The following HMGB2 variants were observed in gnomAD, a reference collection of about 807,000 sequenced individuals.
HMGB2 encodes high mobility group protein B2.
HMGB2 carries 2 observed loss-of-function variants against 23.0 expected under a neutral mutation model. The observed-to-expected ratio is 0.09, with a 90% CI of 0.04 to 0.27. The LOEUF (loss-of-function observed/expected upper bound fraction) is 0.27, where lower values mean the gene tolerates loss of function less well. Ranked by LOEUF, HMGB2 falls within the 10% of genes least tolerant of loss-of-function variation. The probability of loss-of-function intolerance (pLI) is 1.00; values close to 1 mark genes in which losing one functional copy is unlikely to be tolerated. For synonymous variants in HMGB2, 99 were observed against 87.5 expected (o/e 1.13, Z -0.73); for missense variants, 178 against 256.5 (o/e 0.69, Z 2.09).
In HMGB2 at chr4:173,332,000, G is replaced by A. The variant is rs1738109850; in HGVS notation, c.*80C>T. 3 of 1,591,522 alleles carry A rather than the reference G, an allele frequency of 1.9e-6. No individual in the cohort carries two copies. Among genetic ancestry groups the A allele is most frequent in the Non-Finnish European group, 2.6e-6 (3 of 1,167,934 alleles). The stretch of plus-strand genomic sequence containing the variant: ...TTTATACTGAAGCTAGTATTGAGCT[G>A]CACTTGAATTCACATTCTTAGCAAA... On this transcript the variant is annotated 3_prime_UTR_variant, in exon 5 of 5. Transcript: ENST00000296503.
At position 173,333,291 on chromosome 4, in the gene HMGB2, T is replaced by C; in HGVS notation, c.151-77A>G. The C allele has an allele frequency of 6.7e-7, 1 of 1,500,080 alleles. No individual in the cohort carries two copies. 92.9% of individuals were successfully genotyped at this position (1,500,080 alleles called of 1,614,324 possible). ...CATCCAAAGACGACAAGATCATCTT[T>C]AAGGACCACATTTTCCTTAACAGCA... is the stretch of plus-strand genomic sequence containing the variant. On this transcript the variant is annotated intron_variant, in intron 2 of 4. Transcript: ENST00000296503. The surrounding 1 kb of genome is among the most constrained non-coding windows in gnomAD (Gnocchi z 4.6).
At chr4:173,332,565 TAACAGACTA>T (rs1738129432) in intron 4 of HMGB2, 1 of 456,768 alleles carries the variant, frequency 2.2e-6, no homozygotes, top group African/African-American at 2.0e-5. Context: ...AAAAAAAAAA[TAACAGACTA>T]TACAGACTAT....
chr4:173,333,982 C>T lies in HMGB2; in HGVS notation c.-21+290G>A, dbSNP rs1398768238. ...TGACTCCGCAAGCGCCCTCAAAACG[C>T]CTTTCCTGACAGAAATGTCCCCCAG... On this transcript the variant is annotated intron_variant, in intron 1 of 4. Coordinates refer to ENST00000296503, the MANE Select transcript of HMGB2 (RefSeq NM_002129.4). The surrounding 1 kb of genome is among the most constrained non-coding windows in gnomAD (Gnocchi z 4.6). The T allele has an allele frequency of 5.8e-6, 1 of 171,856 alleles. No homozygotes were observed. Among genetic ancestry groups the T allele is most frequent in the Non-Finnish European group, 1.2e-5 (1 of 81,404 alleles). 10.6% of individuals were successfully genotyped at this position (171,856 alleles called of 1,614,324 possible). A position where few individuals can be genotyped will look rare whatever the true frequency, so the allele number is the denominator to read the frequency against.
chr4:173,332,746 TA>T (rs1738137624), intron 4 of HMGB2, 74 bp downstream of exon 4: 3 of 1,326,528 alleles, frequency 2.3e-6, no homozygotes, highest in Non-Finnish European at 3.2e-6. Flanking sequence ...CAAGATTAAC[TA>T]AATTTCCCAG....
At chr4:173,332,596 A>C (rs1019492987) in intron 4 of HMGB2, 1 of 548,070 alleles carries the variant, frequency 1.8e-6, no homozygotes. Context: ...CAATAACTAC[A>C]AGTAACTACA....
rs1738156154 is a variant in HMGB2, at chr4:173,333,317, T to G, written c.151-103A>C. ...AAGGACCACATTTTCCTTAACAGCA[T>G]TTTGCTTTCGAAGTCTTATATAAGT... On this transcript the variant is annotated intron_variant, in intron 2 of 4. Transcript: ENST00000296503. The surrounding 1 kb of genome is among the most constrained non-coding windows in gnomAD (Gnocchi z 4.6). 1.4e-6 allele frequency: 2 copies of G among 1,421,772 alleles called. No individual in the cohort carries two copies. Among genetic ancestry groups the G allele is most frequent in the African/African-American group, 2.9e-5 (2 of 69,482 alleles). The allele number at this position is 1,421,772 out of a possible 1,614,324, so 88.1% of individuals were successfully genotyped here.
At position 173,332,250 on chromosome 4, in the gene HMGB2, T is replaced by A; in HGVS notation, c.472-12A>T. 6.5e-7 allele frequency: 1 copy of A among 1,547,598 alleles called. No individual in the cohort carries two copies. ...TATGCAGCAATATCCTGAAATATTG[T>A]CAAAAAAATAAAGCATCCGGTATCA... On this transcript the variant is annotated splice_polypyrimidine_tract_variant and intron_variant, in intron 4 of 4. Transcript: ENST00000296503.
rs1214850681 is a variant in HMGB2, at chr4:173,331,753, T to C, written c.*327A>G. 4.8e-6 allele frequency: 1 copy of C among 206,964 alleles called. No homozygotes were observed. Among genetic ancestry groups the C allele is most frequent in the African/African-American group, 2.3e-5 (1 of 43,454 alleles). The allele number at this position is 206,964 out of a possible 1,614,324, so 12.8% of individuals were successfully genotyped here. ...TTTTTTAAAAAAACGAAATGCAACATCCTAAAAAACCCAAAATTTACTATT... is the reference window on the plus strand; with the variant it reads ...TTTTTTAAAAAAACGAAATGCAACACCCTAAAAAACCCAAAATTTACTATT... On this transcript the variant is annotated 3_prime_UTR_variant, in exon 5 of 5. Coordinates refer to ENST00000296503, the MANE Select transcript of HMGB2 (RefSeq NM_002129.4).
rs1738137705 is a variant in HMGB2 at position 173,332,750 on chromosome 4, T to A, written c.471+71A>T. The A allele has an allele frequency of 3.0e-6, 4 of 1,350,050 alleles. No homozygotes were observed. The African/African-American group carries it at 4.4e-5, about 15-fold the overall frequency. The allele number at this position is 1,350,050 out of a possible 1,614,324, so 83.6% of individuals were successfully genotyped here. A position where few individuals can be genotyped will look rare whatever the true frequency, so the allele number is the denominator to read the frequency against. On this transcript the variant is annotated intron_variant, in intron 4 of 4. Coordinates refer to ENST00000296503, the MANE Select transcript of HMGB2 (RefSeq NM_002129.4). ...AACCATTAATACAAGATTAACTAAA[T>A]TTCCCAGGTTTTCTACAGTTATTAC...
chr4:173,333,356 C>T lies in HMGB2; in HGVS notation c.151-142G>A. ...TCTTATATAAGTAAAAACCTAAAAT[C>T]GTCTGCCTGGAACTCTTAAGATATT... On this transcript the variant is annotated intron_variant, in intron 2 of 4. Coordinates refer to ENST00000296503, the MANE Select transcript of HMGB2 (RefSeq NM_002129.4). This position sits in a 1 kb window ranked among gnomAD's most constrained non-coding sequence, Gnocchi z 4.6. 1.5e-6 allele frequency: 2 copies of T among 1,361,282 alleles called. No homozygotes were observed. The highest frequency in any genetic ancestry group is 1.4e-5 in the South Asian group (1 of 70,662). The allele number at this position is 1,361,282 out of a possible 1,614,324, so 84.3% of individuals were successfully genotyped here. A position where few individuals can be genotyped will look rare whatever the true frequency, so the allele number is the denominator to read the frequency against.
Position 173,331,866 on chromosome 4 carries a change from C to A in HMGB2, c.*214G>T. On this transcript the variant is annotated 3_prime_UTR_variant, in exon 5 of 5. Coordinates refer to ENST00000296503, the MANE Select transcript of HMGB2 (RefSeq NM_002129.4). Reference sequence around the variant, plus strand: ...ATTTAGGAACATTCAACATCAGAAGCTGTAAAATCTAACTGTATGAGTAGC... The same window carrying A: ...ATTTAGGAACATTCAACATCAGAAGATGTAAAATCTAACTGTATGAGTAGC... 1 of 539,458 alleles carries A rather than the reference C, an allele frequency of 1.9e-6. No individual in the cohort carries two copies. Among genetic ancestry groups the A allele is most frequent in the Non-Finnish European group, 3.2e-6 (1 of 311,922 alleles). 33.4% of individuals were successfully genotyped at this position (539,458 alleles called of 1,614,324 possible). A position where few individuals can be genotyped will look rare whatever the true frequency, so the allele number is the denominator to read the frequency against.
At position 173,333,268 on chromosome 4, in the gene HMGB2, T is replaced by A; in HGVS notation, c.151-54A>T. ...ACAGCAAAATTGTTACCTATAAACA[T>A]CCAAAGACGACAAGATCATCTTTAA... On this transcript the variant is annotated intron_variant, in intron 2 of 4. Coordinates refer to ENST00000296503, the MANE Select transcript of HMGB2 (RefSeq NM_002129.4). The surrounding 1 kb of genome is among the most constrained non-coding windows in gnomAD (Gnocchi z 4.6). 1 of 1,559,778 alleles carries A rather than the reference T, an allele frequency of 6.4e-7. No homozygotes were observed. Among genetic ancestry groups the A allele is most frequent in the Non-Finnish European group, 8.7e-7 (1 of 1,150,462 alleles).
intron 4 of HMGB2, 79 bp from the exon 5 acceptor site, chr4:173,332,317 G>A (rs1738122912): frequency 1.8e-6 from 2 of 1,106,800 alleles, no homozygotes; most frequent in Non-Finnish European, 2.6e-6. Context: ...AACAATCTAA[G>A]ATGATTGACC....
In HMGB2 at chr4:173,333,290, T is replaced by A; in HGVS notation, c.151-76A>T. The A allele has an allele frequency of 6.6e-7, 1 of 1,504,196 alleles. No homozygotes were observed. The highest frequency in any genetic ancestry group is 9.0e-7 in the Non-Finnish European group (1 of 1,111,672). The allele number at this position is 1,504,196 out of a possible 1,614,324, so 93.2% of individuals were successfully genotyped here. A position where few individuals can be genotyped will look rare whatever the true frequency, so the allele number is the denominator to read the frequency against. On this transcript the variant is annotated intron_variant, in intron 2 of 4. Transcript: ENST00000296503. This position sits in a 1 kb window ranked among gnomAD's most constrained non-coding sequence, Gnocchi z 4.6. ...ACATCCAAAGACGACAAGATCATCT[T>A]TAAGGACCACATTTTCCTTAACAGC...
Position 173,333,748 on chromosome 4 carries a change from G to A in HMGB2, c.-20-79C>T. The A allele has an allele frequency of 8.4e-7, 1 of 1,184,842 alleles. No individual in the cohort carries two copies. The highest frequency in any genetic ancestry group is 2.8e-5 in the Admixed American group (1 of 35,494). 73.4% of individuals were successfully genotyped at this position (1,184,842 alleles called of 1,614,324 possible). ...AGCTGCCAGGGCGGGCGCTGGCGGG[G>A]CTCCGCTTCCCGCCCAAATCCGCTC... On this transcript the variant is annotated intron_variant, in intron 1 of 4. Coordinates refer to ENST00000296503, the MANE Select transcript of HMGB2 (RefSeq NM_002129.4). This position sits in a 1 kb window ranked among gnomAD's most constrained non-coding sequence, Gnocchi z 4.6.
intron 4 of HMGB2, 34 bp downstream of exon 4, chr4:173,332,787 C>T (rs11939608): frequency 0.014 from 22,332 of 1,582,966 alleles, 188 homozygotes; most frequent in Non-Finnish European, 0.017. Context: ...TATACCTAGT[C>T]TTATCCACGG....
Position 173,333,337 on chromosome 4 carries a change from A to G in HMGB2, c.151-123T>C. ...CAGCATTTTGCTTTCGAAGTCTTAT[A>G]TAAGTAAAAACCTAAAATCGTCTGC... On this transcript the variant is annotated intron_variant, in intron 2 of 4. Coordinates refer to ENST00000296503, the MANE Select transcript of HMGB2 (RefSeq NM_002129.4). The surrounding 1 kb of genome is among the most constrained non-coding windows in gnomAD (Gnocchi z 4.6). 2.2e-6 allele frequency: 3 copies of G among 1,370,064 alleles called. No individual in the cohort carries two copies. The highest frequency in any genetic ancestry group is 1.5e-5 in the African/African-American group (1 of 68,510). The allele number at this position is 1,370,064 out of a possible 1,614,324, so 84.9% of individuals were successfully genotyped here. A position where few individuals can be genotyped will look rare whatever the true frequency, so the allele number is the denominator to read the frequency against.
rs537511786 is a variant in HMGB2 at position 173,331,793 on chromosome 4, C to A, written c.*287G>T. On this transcript the variant is annotated 3_prime_UTR_variant, in exon 5 of 5. Transcript: ENST00000296503. ...AATTTACTATTGATACTAATTCCTA[C>A]AAGTTTGCTGTGCTACCATACACAA... 2.4e-5 allele frequency: 7 copies of A among 290,456 alleles called. No homozygotes were observed. The East Asian group carries it at 3.1e-4, about 13-fold the overall frequency. 18.0% of individuals were successfully genotyped at this position (290,456 alleles called of 1,614,324 possible).
Position 173,332,796 on chromosome 4 carries a change from G to A in HMGB2, c.471+25C>T, listed in dbSNP as rs146016960. 16 of 1,594,942 alleles carry A rather than the reference G, an allele frequency of 1.0e-5. No homozygotes were observed. In the African/African-American group the frequency reaches 2.0e-4, roughly 20 times the overall value. On this transcript the variant is annotated intron_variant, in intron 4 of 4. Coordinates refer to ENST00000296503, the MANE Select transcript of HMGB2 (RefSeq NM_002129.4). ...ATTACCTATACCTAGTCTTATCCAC[G>A]GCTTTAAAAAAGATGACACTGTACC...
Sources: allele counts gnomAD v4.1 joint callset, GRCh38; gene constraint gnomAD v4.1.1; non-coding constraint Gnocchi (gnomAD v3.1); transcripts MANE v1.5; gene names NCBI Gene and HGNC (gene_info 2026-07-23, HGNC 2026-07-21).